The following DNAH14 variants were observed in gnomAD, a reference collection of about 807,000 sequenced individuals.
DNAH14 encodes the protein axonemal beta dynein heavy chain 14.
A neutral mutation model predicts 520.9 loss-of-function variants in DNAH14; 478 were observed. That is an observed-to-expected ratio of 0.92 (90% CI 0.85 to 0.99). The LOEUF (loss-of-function observed/expected upper bound fraction) is 0.99, where lower values mean the gene tolerates loss of function less well. Among genes scored for constraint, DNAH14 ranks in the 50% least tolerant of loss-of-function variants. The pLI is 0.00. For missense variants in DNAH14, 4,831 were observed against 5,234.5 expected, an observed-to-expected ratio of 0.92 and a Z score of 2.38; for synonymous variants, 1,581 against 1,757.2, an observed-to-expected ratio of 0.90 and a Z score of 2.51.
At chr1:225,102,925 T>A (rs1377284076) in intron 23 of DNAH14, among the ~76,000 whole-genome samples, 2 of 152,230 alleles carry the variant, frequency 1.3e-5, no homozygotes, top group East Asian at 3.8e-4. Flanking sequence ...TGGCTTTTGT[T>A]GCCATTGCTT....
rs965075838 is a variant in DNAH14 at position 225,050,374 on chromosome 1, A to G, written c.2077A>G (p.Ile693Val). The G allele has an allele frequency of 1.5e-5, 23 of 1,541,118 alleles. No homozygotes were observed. The highest frequency in any genetic ancestry group is 2.5e-5 in the South Asian group (2 of 80,256). Residue 693 changes from isoleucine to valine, a missense_variant and splice_region_variant, in exon 16 of 86, where the codon ATA becomes GTA. Coordinates refer to ENST00000682510, the MANE Select transcript of DNAH14 (RefSeq NM_001367479.1). ...TGAAACAGATCCTGCCTACCAAAAT[A>G]TAGTAAGTTTTAAAACAGTTCATTT... ...LFETDPAYQN[I>V]IVNLLTIIGN...
At chr1:225,073,742 G>C (rs1169601690) in intron 17 of DNAH14, among the ~76,000 whole-genome samples, 1 of 152,116 alleles carries the variant, frequency 6.6e-6, no homozygotes, top group African/African-American at 2.4e-5. Context: ...CTGGAGTGCA[G>C]TGGCGCAATC....
chr1:225,078,842 C>T (rs2072692434), intron 17 of DNAH14, among the ~76,000 whole-genome samples: 5 of 74,930 alleles, frequency 6.7e-5, no homozygotes, highest in East Asian at 3.3e-4. Context: ...CTCTCTCTCT[C>T]CCTCTCTCTC....
chr1:224,956,379 A>G (rs1247462168), intron 3 of DNAH14, among the ~76,000 whole-genome samples: 1 of 152,092 alleles, frequency 6.6e-6, no homozygotes, highest in Non-Finnish European at 1.5e-5. Context: ...ATAATACTGT[A>G]TTTTCACTGT....
At chr1:225,137,352 C>CTGTTT (rs777767346) in intron 27 of DNAH14, among the ~76,000 whole-genome samples, 225 of 151,478 alleles carry the variant, frequency 1.5e-3, no homozygotes, top group African/African-American at 4.9e-3. Flanking sequence ...TTGTTGTTTT[C>CTGTTT]TGTTTTGTTT....
At position 225,097,772 on chromosome 1, in the gene DNAH14, T is replaced by TA. The variant is rs143800535; in HGVS notation, c.3695+545dup. On this transcript the variant is annotated intron_variant, in intron 22 of 85. Transcript: ENST00000682510. The stretch of plus-strand genomic sequence containing the variant: ...CTGGGCGACAGAGCGAGACTCTGTA[T>TA]AAAAAAAAAAAAGTGTCAGATACAT... Among the ~76,000 whole-genome samples, 95 of 142,396 alleles carry TA rather than the reference T, an allele frequency of 6.7e-4. 1 individual carries two copies. Among genetic ancestry groups the TA allele is most frequent in the Non-Finnish European group, 6.3e-4 (41 of 64,734 alleles). The allele number at this position is 142,396 out of a possible 152,430, so 93.4% of individuals were successfully genotyped here. A position where few individuals can be genotyped will look rare whatever the true frequency, so the allele number is the denominator to read the frequency against.
chr1:225,338,006 T>C (rs2095096247), intron 67 of DNAH14, 55 bp from the exon 68 acceptor site: 4 of 1,469,698 alleles, frequency 2.7e-6, no homozygotes, highest in Admixed American at 2.8e-5. Flanking sequence ...CTTTTTTTTT[T>C]CAACCAATTT....
chr1:224,950,299 A>G (rs1439748187), intron 1 of DNAH14, among the ~76,000 whole-genome samples: 1 of 151,678 alleles, frequency 6.6e-6, no homozygotes, highest in South Asian at 2.1e-4. Flanking sequence ...GGTGGGATTT[A>G]TTTTCATGTG....
intron 11 of DNAH14, among the ~76,000 whole-genome samples, chr1:225,026,104 A>G (rs1324195235): frequency 1.3e-5 from 2 of 152,030 alleles, no homozygotes; most frequent in African/African-American, 4.8e-5. Context: ...AGCTGGGACT[A>G]CAGGTTCATG....
intron 4 of DNAH14, among the ~76,000 whole-genome samples, chr1:224,963,779 T>C (rs1363745229): frequency 1.3e-5 from 2 of 152,130 alleles, no homozygotes; most frequent in African/African-American, 2.4e-5. Context: ...CTTAGAGTCA[T>C]GCAAGTGCCT....
chr1:225,096,554 A>G (rs1264541933), intron 21 of DNAH14, among the ~76,000 whole-genome samples: 1 of 152,174 alleles, frequency 6.6e-6, no homozygotes, highest in Non-Finnish European at 1.5e-5. Context: ...AAGACATTAT[A>G]GGCATACAAT....
At chr1:225,044,349 A>G (rs1558772865) in intron 15 of DNAH14, among the ~76,000 whole-genome samples, 1 of 152,206 alleles carries the variant, frequency 6.6e-6, no homozygotes, top group Non-Finnish European at 1.5e-5. Context: ...AGCTGTATGT[A>G]CACAATCTGA....
intron 82 of DNAH14, among the ~76,000 whole-genome samples, chr1:225,389,429 C>T (rs1470262329): frequency 3.3e-5 from 5 of 152,238 alleles, no homozygotes; most frequent in African/African-American, 9.6e-5. Flanking sequence ...TCTTTATATC[C>T]TTTGGGAGAA....
chr1:225,197,280 C>A (rs1353201669), intron 38 of DNAH14, among the ~76,000 whole-genome samples: 1 of 152,112 alleles, frequency 6.6e-6, no homozygotes, highest in East Asian at 1.9e-4. Context: ...TATCCCAGCA[C>A]CATTTGTTGA....
chr1:225,308,767 G>C (rs377136093), intron 60 of DNAH14, among the ~76,000 whole-genome samples: 101 of 152,334 alleles, frequency 6.6e-4, no homozygotes, highest in African/African-American at 2.4e-3. Context: ...TATTTGGTGT[G>C]TGTCACTTCT....
At chr1:225,164,270 A>G (rs1254973079) in intron 35 of DNAH14, among the ~76,000 whole-genome samples, 3 of 152,064 alleles carry the variant, frequency 2.0e-5, no homozygotes, top group Admixed American at 1.3e-4. Flanking sequence ...TCTTTGGCCC[A>G]CTGGTGATTT....
At chr1:225,160,415 C>A (rs2149144922) in intron 35 of DNAH14, among the ~76,000 whole-genome samples, 1 of 152,222 alleles carries the variant, frequency 6.6e-6, no homozygotes, top group South Asian at 2.1e-4. Flanking sequence ...ACAACAAGCA[C>A]AGAATTCATA....
In DNAH14 at chr1:225,149,710, C is replaced by G. The variant is rs536149131; in HGVS notation, c.4941-2295C>G. Among the ~76,000 whole-genome samples, 9 of 152,142 alleles carry G rather than the reference C, an allele frequency of 5.9e-5. No individual in the cohort carries two copies. In the South Asian group the frequency reaches 1.7e-3, roughly 28 times the overall value. On this transcript the variant is annotated intron_variant, in intron 31 of 85. Transcript: ENST00000682510. ...ATGGGATTGTGTTCCTGATTTGGCTCTTGGCATGGCTGTTGTTGGTGTGTA... is the reference window on the plus strand; with the variant it reads ...ATGGGATTGTGTTCCTGATTTGGCTGTTGGCATGGCTGTTGTTGGTGTGTA...
chr1:225,001,931 T>C (rs1249652620), intron 8 of DNAH14, among the ~76,000 whole-genome samples: 1 of 152,082 alleles, frequency 6.6e-6, no homozygotes, highest in Non-Finnish European at 1.5e-5. Flanking sequence ...TTAAGATAAA[T>C]AGTACAAGGC....
Sources: gnomAD v4.1 joint callset for allele counts (sites outside exome capture counted in the v4.1 genomes callset) on GRCh38, gnomAD v4.1.1 for gene constraint, MANE v1.5 for transcripts, NCBI Gene and HGNC (gene_info 2026-07-23, HGNC 2026-07-21) for gene names.